ROBO1: variants seen among roughly 807,000 people sequenced by gnomAD.
ROBO1 encodes roundabout homolog 1.
A neutral mutation model predicts 195.9 loss-of-function variants in ROBO1; 149 were observed. The ratio of observed to expected loss-of-function variants is 0.76; its 90% confidence interval spans 0.67 to 0.87. ROBO1 has a LOEUF of 0.87. Among genes scored for constraint, ROBO1 ranks in the 40% least tolerant of loss-of-function variants. The pLI, the probability that ROBO1 is intolerant of heterozygous loss-of-function variation, is 0.00. For synonymous variants in ROBO1, 816 were observed against 733.2 expected (o/e 1.11, Z -1.82); for missense variants, 1,933 against 2,068.3 (o/e 0.93, Z 1.27).
At chr3:79,245,621 A>AC (rs1345880405) in intron 2 of ROBO1, among the ~76,000 whole-genome samples, 1 of 151,712 alleles carries the variant, frequency 6.6e-6, no homozygotes, top group Non-Finnish European at 1.5e-5. Context: ...TCCAGCAAAG[A>AC]CCCCCACCCC....
intron 2 of ROBO1, among the ~76,000 whole-genome samples, chr3:79,200,845 T>C (rs2081749352): frequency 6.6e-6 from 1 of 152,008 alleles, no homozygotes; most frequent in African/African-American, 2.4e-5. Context: ...TAGTTATAGT[T>C]AAATGCTTAG....
chr3:79,722,112 A>G (rs1012153693), intron 1 of ROBO1, among the ~76,000 whole-genome samples: 3 of 152,230 alleles, frequency 2.0e-5, no homozygotes, highest in Non-Finnish European at 4.4e-5. Context: ...TACAGGAAAC[A>G]GACTTTAAAA....
chr3:79,163,274 CA>C (rs2081005999), intron 2 of ROBO1, among the ~76,000 whole-genome samples: 1 of 152,086 alleles, frequency 6.6e-6, no homozygotes, highest in African/African-American at 2.4e-5. Context: ...TGGAATCATA[CA>C]GTATTTATCT....
intron 2 of ROBO1, among the ~76,000 whole-genome samples, chr3:79,233,732 G>A (rs1042189324): frequency 6.6e-6 from 1 of 152,030 alleles, no homozygotes; most frequent in Admixed American, 6.6e-5. Flanking sequence ...AATAAACTCC[G>A]TTTTAAGTTA....
intron 4 of ROBO1, among the ~76,000 whole-genome samples, chr3:78,809,249 C>A (rs555215814): frequency 6.6e-6 from 1 of 152,226 alleles, no homozygotes; most frequent in South Asian, 2.1e-4. Context: ...AAAAGCTCAT[C>A]ATCACTGGTC....
In ROBO1 at chr3:78,606,982, T is replaced by C. The variant is rs755955005; in HGVS notation, c.4495A>G (p.Thr1499Ala). The change falls in exon 29 of 31, where the codon ACA becomes GCA. Residue 1499 changes from threonine to alanine, a missense_variant. Transcript: ENST00000464233. ...ACTACAGGTCGTACTTCCAGCTGTG[T>C]CTTGGATTGGGCAGTAGGTGACTTT... The part of the protein sequence containing the change: ...AIKSPTAQSK[T>A]QLEVRPVVVP... 3.0e-5 allele frequency: 49 copies of C among 1,613,746 alleles called. No individual in the cohort carries two copies. In the East Asian group the frequency reaches 1.0e-3, roughly 33 times the overall value.
At chr3:79,698,894 G>C (rs1947525880) in intron 1 of ROBO1, among the ~76,000 whole-genome samples, 1 of 151,472 alleles carries the variant, frequency 6.6e-6, no homozygotes, top group East Asian at 1.9e-4. Context: ...GTGCTGATAA[G>C]CTTTAAAATA....
intron 2 of ROBO1, among the ~76,000 whole-genome samples, chr3:79,299,845 C>CT (rs2032806883): frequency 6.9e-6 from 1 of 144,018 alleles, no homozygotes; most frequent in Admixed American, 6.9e-5. Context: ...TCAAGAAACA[C>CT]TAAAAAAAAA....
chr3:78,827,232 G>A (rs1448987252), intron 4 of ROBO1, among the ~76,000 whole-genome samples: 1 of 152,092 alleles, frequency 6.6e-6, no homozygotes, highest in African/African-American at 2.4e-5. Flanking sequence ...AAACAGCAAA[G>A]TATGATTAAA....
chr3:78,893,415 C>T (rs1043023615), intron 4 of ROBO1, among the ~76,000 whole-genome samples: 3 of 152,152 alleles, frequency 2.0e-5, no homozygotes, highest in African/African-American at 7.2e-5. Flanking sequence ...CAGAGCAGCC[C>T]TCAACAAGTA....
intron 3 of ROBO1, among the ~76,000 whole-genome samples, chr3:79,031,909 T>C (rs2078301828): frequency 6.6e-6 from 1 of 152,170 alleles, no homozygotes; most frequent in African/African-American, 2.4e-5. Flanking sequence ...TCTAAATAAT[T>C]CAATTTGATT....
At chr3:79,197,860 T>A (rs1487303242) in intron 2 of ROBO1, among the ~76,000 whole-genome samples, 1 of 151,172 alleles carries the variant, frequency 6.6e-6, no homozygotes, top group Non-Finnish European at 1.5e-5. Context: ...TCTGTTCATA[T>A]CCTTCGCCCA....
chr3:78,946,092 C>T (rs2040425479), intron 3 of ROBO1, among the ~76,000 whole-genome samples: 1 of 152,096 alleles, frequency 6.6e-6, no homozygotes, highest in Non-Finnish European at 1.5e-5. Flanking sequence ...AGTTGGAAAA[C>T]ACTCTGCAGG....
At chr3:78,728,238 C>T (rs2082208960) in intron 5 of ROBO1, among the ~76,000 whole-genome samples, 1 of 152,130 alleles carries the variant, frequency 6.6e-6, no homozygotes, top group East Asian at 1.9e-4. Flanking sequence ...AGGAGAAATG[C>T]ATTATTTTAA....
chr3:79,202,284 T>G (rs999137039), intron 2 of ROBO1, among the ~76,000 whole-genome samples: 35 of 152,068 alleles, frequency 2.3e-4, no homozygotes, highest in African/African-American at 8.0e-4. Context: ...ATTAGTAGAA[T>G]AAATGAGTGA....
intron 2 of ROBO1, among the ~76,000 whole-genome samples, chr3:79,289,287 T>G (rs2032091117): frequency 6.6e-6 from 1 of 152,162 alleles, no homozygotes; most frequent in South Asian, 2.1e-4. Flanking sequence ...ATATTTGGTG[T>G]TTTGGTTTGG....
intron 4 of ROBO1, among the ~76,000 whole-genome samples, chr3:78,869,651 G>A (rs1292346228): frequency 3.3e-5 from 5 of 151,704 alleles, no homozygotes; most frequent in Non-Finnish European, 5.9e-5. Context: ...GGTAGAGGCC[G>A]TCTCACTATG....
intron 26 of ROBO1, among the ~76,000 whole-genome samples, chr3:78,623,249 C>T (rs991218776): frequency 6.6e-6 from 1 of 152,058 alleles, no homozygotes; most frequent in Non-Finnish European, 1.5e-5. Flanking sequence ...AAAGTTGGGA[C>T]ATCAGGGAAA....
At chr3:79,661,628 C>G (rs1194485131) in intron 1 of ROBO1, among the ~76,000 whole-genome samples, 1 of 151,608 alleles carries the variant, frequency 6.6e-6, no homozygotes, top group African/African-American at 2.4e-5. Context: ...CCCTCTATCC[C>G]TTTCTTTTTC....
Sources: allele counts gnomAD v4.1 joint callset (sites outside exome capture counted in the v4.1 genomes callset), GRCh38; gene constraint gnomAD v4.1.1; transcripts MANE v1.5; gene names NCBI Gene and HGNC (gene_info 2026-07-23, HGNC 2026-07-21).